Variants in EXT1 observed in about 807,000 individuals in gnomAD.
EXT1 encodes exostosin-1.
Under a neutral mutation model 82.5 loss-of-function variants are expected in EXT1, and 20 were observed. The observed-to-expected ratio is 0.24, with a 90% CI of 0.17 to 0.35. The LOEUF is 0.35. EXT1 is among the 10% of genes least tolerant of loss of function. The pLI is 1.00. For synonymous variants in EXT1, 348 were observed against 350.8 expected (o/e 0.99, Z 0.09); for missense variants, 757 against 936.5 (o/e 0.81, Z 2.50).
rs1231742212 is a variant in EXT1 at position 117,822,465 on chromosome 8, C to T, written c.1417G>A (p.Gly473Ser). ...AACTCCCTGGAGGAAATTCACTTAC[C>T]TAAATTAGCATAGTAGTAAGGAAAA... ...GDFPYYYANLGLKPPSKFTAV... is the reference protein window; with the variant it reads ...GDFPYYYANLSLKPPSKFTAV... The change falls in exon 5 of 11, where the codon GGT becomes AGT. Residue 473 changes from glycine to serine, a missense_variant and splice_region_variant. Around this residue, in one of 4 missense-constraint regions of EXT1, gnomAD observed 207 missense variants for 224.2 expected, o/e 0.92. Coordinates refer to ENST00000378204, the MANE Select transcript of EXT1 (RefSeq NM_000127.3). 2.5e-6 allele frequency: 4 copies of T among 1,612,772 alleles called. No homozygotes were observed. In the Admixed American group the frequency reaches 5.0e-5, roughly 20 times the overall value.
intron 1 of EXT1, among the ~76,000 whole-genome samples, chr8:117,922,030 A>C (rs190130028): frequency 3.2e-4 from 49 of 152,160 alleles, no homozygotes; most frequent in Admixed American, 1.1e-3. Flanking sequence ...GTTTCACTGA[A>C]ATTCCCATAA....
intron 1 of EXT1, among the ~76,000 whole-genome samples, chr8:117,960,232 T>C (rs1200764488): frequency 6.6e-6 from 1 of 152,064 alleles, no homozygotes; most frequent in Non-Finnish European, 1.5e-5. Context: ...CATAAATAAA[T>C]AAATTAAATA....
At chr8:117,822,391 AG>A in intron 5 of EXT1, 73 bp downstream of exon 5, 1 of 1,529,934 alleles carries the variant, frequency 6.5e-7, no homozygotes, top group African/African-American at 1.4e-5. Context: ...TTAGAGTAGA[AG>A]AATAAAGGCC....
chr8:117,821,463 C>A (rs1811923221), intron 5 of EXT1, among the ~76,000 whole-genome samples: 1 of 152,156 alleles, frequency 6.6e-6, no homozygotes, highest in African/African-American at 2.4e-5. Context: ...TACAGAAATT[C>A]TTGTCAACCA....
At chr8:118,046,424 T>C (rs967401892) in intron 1 of EXT1, among the ~76,000 whole-genome samples, 1 of 152,100 alleles carries the variant, frequency 6.6e-6, no homozygotes, top group Non-Finnish European at 1.5e-5. Flanking sequence ...TAACTCGTCA[T>C]GTCTCTCATC....
intron 1 of EXT1, among the ~76,000 whole-genome samples, chr8:118,013,765 C>T (rs183449939): frequency 6.6e-6 from 1 of 152,120 alleles, no homozygotes; most frequent in East Asian, 1.9e-4. Flanking sequence ...TACTATGGTC[C>T]ACTATTTTTA....
intron 1 of EXT1, among the ~76,000 whole-genome samples, chr8:117,952,725 C>T (rs1452172710): frequency 6.6e-6 from 1 of 151,970 alleles, no homozygotes; most frequent in Non-Finnish European, 1.5e-5. Context: ...CATGCCAATG[C>T]ACTCCAGCCT....
Position 117,858,805 on chromosome 8 carries a change from C to A in EXT1, c.963-21604G>T, listed in dbSNP as rs1211125468. Among the ~76,000 whole-genome samples the A allele has an allele frequency of 2.7e-3, 178 of 66,768 alleles. 16 individuals carry two copies. Among genetic ancestry groups the A allele is most frequent in the African/African-American group, 0.015 (172 of 11,842 alleles). The allele number at this position is 66,768 out of a possible 152,430, so 43.8% of individuals were successfully genotyped here. On this transcript the variant is annotated intron_variant, in intron 1 of 10. Transcript: ENST00000378204. ...GGCAGGCAGGCAAGGCAAGGCAAGG[C>A]AAGGCAGGAAGGAAGGAAGGAAGGA...
intron 1 of EXT1, among the ~76,000 whole-genome samples, chr8:118,022,272 CA>C (rs1466258341): frequency 6.2e-5 from 9 of 144,384 alleles, no homozygotes; most frequent in Non-Finnish European, 9.0e-5. Flanking sequence ...AAAATTAATG[CA>C]GGGGGAGGCA....
chr8:118,099,419 T>C (rs1276097082), intron 1 of EXT1, among the ~76,000 whole-genome samples: 1 of 152,262 alleles, frequency 6.6e-6, no homozygotes, highest in African/African-American at 2.4e-5. Flanking sequence ...GAAACCAGAT[T>C]ACCTAACAGG....
intron 1 of EXT1, among the ~76,000 whole-genome samples, chr8:117,839,316 T>C (rs1812234590): frequency 1.3e-5 from 2 of 152,202 alleles, no homozygotes; most frequent in East Asian, 3.8e-4. Context: ...AGATTCAGTT[T>C]TAATACTTGA....
intron 1 of EXT1, among the ~76,000 whole-genome samples, chr8:117,979,930 A>G (rs912440993): frequency 6.6e-6 from 1 of 152,224 alleles, no homozygotes; most frequent in East Asian, 1.9e-4. Flanking sequence ...CCAGAGCACC[A>G]TGGGTTACTG....
chr8:117,837,520 T>G (rs907956262), intron 1 of EXT1, among the ~76,000 whole-genome samples: 2 of 152,198 alleles, frequency 1.3e-5, no homozygotes, highest in Non-Finnish European at 2.9e-5. Context: ...TGATAAAATA[T>G]GTTGCCCCAT....
intron 2 of EXT1, among the ~76,000 whole-genome samples, chr8:117,836,086 C>A (rs1812184965): frequency 6.6e-6 from 1 of 152,192 alleles, no homozygotes; most frequent in Admixed American, 6.5e-5. Context: ...CAAACCAGAA[C>A]TTTGTTCCTT....
At chr8:117,814,658 T>C (rs1410122569) in intron 7 of EXT1, among the ~76,000 whole-genome samples, 1 of 152,186 alleles carries the variant, frequency 6.6e-6, no homozygotes, top group African/African-American at 2.4e-5. Context: ...CATATGCTCA[T>C]CACCTTCTTC....
intron 1 of EXT1, among the ~76,000 whole-genome samples, chr8:117,878,318 C>CA (rs1488802391): frequency 6.6e-6 from 1 of 152,136 alleles, no homozygotes; most frequent in Non-Finnish European, 1.5e-5. Context: ...TATCCAGAGT[C>CA]AGATTTTCTA....
intron 1 of EXT1, among the ~76,000 whole-genome samples, chr8:117,939,571 GAA>G (rs11420757): frequency 0.011 from 1,332 of 122,868 alleles, 22 homozygotes; most frequent in African/African-American, 0.042. Context: ...CTCCATCTCT[GAA>G]AAAAAAAAAA....
At chr8:118,083,952 C>T (rs1817376464) in intron 1 of EXT1, among the ~76,000 whole-genome samples, 1 of 152,098 alleles carries the variant, frequency 6.6e-6, no homozygotes, top group Admixed American at 6.5e-5. Context: ...TTGCTTGAAC[C>T]CGGGAGGCAG....
At chr8:118,085,903 T>C (rs2129990133) in intron 1 of EXT1, among the ~76,000 whole-genome samples, 1 of 152,228 alleles carries the variant, frequency 6.6e-6, no homozygotes, top group African/African-American at 2.4e-5. Context: ...AAAAGAAAAA[T>C]ATCCCTTAGA....
Sources: allele counts gnomAD v4.1 joint callset (sites outside exome capture counted in the v4.1 genomes callset), GRCh38; gene constraint gnomAD v4.1.1; regional missense constraint gnomAD v4.1.1; transcripts MANE v1.5; gene names NCBI Gene and HGNC (gene_info 2026-07-23, HGNC 2026-07-21).